SLC10A7: variants seen among roughly 807,000 people sequenced by gnomAD.
SLC10A7 encodes solute carrier family 10 member 7, also known as sodium/bile acid cotransporter 7.
Under a neutral mutation model 43.2 loss-of-function variants are expected in SLC10A7, and 29 were observed. The observed-to-expected ratio is 0.67, with a 90% CI of 0.50 to 0.92. SLC10A7 has a LOEUF of 0.92. SLC10A7 is among the 40% of genes least tolerant of loss of function. SLC10A7 has a pLI of 0.00. For missense variants in SLC10A7, 295 were observed against 403.2 expected, an observed-to-expected ratio of 0.73 and a Z score of 2.30; for synonymous variants, 152 against 144.8, an observed-to-expected ratio of 1.05 and a Z score of -0.35.
At chr4:146,367,471 T>C (rs1333525371) in intron 5 of SLC10A7, among the ~76,000 whole-genome samples, 11 of 152,186 alleles carry the variant, frequency 7.2e-5, no homozygotes, top group Admixed American at 5.2e-4. Context: ...ATTAGCCACA[T>C]GTGGCTACTT....
chr4:146,449,296 A>G (rs1461320414), intron 4 of SLC10A7, among the ~76,000 whole-genome samples: 1 of 152,184 alleles, frequency 6.6e-6, no homozygotes, highest in African/African-American at 2.4e-5. Context: ...AAGGAGAGAC[A>G]GTAAGCAGTT....
intron 4 of SLC10A7, among the ~76,000 whole-genome samples, chr4:146,450,350 G>C (rs1731474595): frequency 6.6e-6 from 1 of 152,128 alleles, no homozygotes; most frequent in African/African-American, 2.4e-5. Context: ...AAAGTATACA[G>C]GAAGATGTGC....
At chr4:146,494,940 G>A (rs1188083711) in intron 4 of SLC10A7, among the ~76,000 whole-genome samples, 1 of 152,146 alleles carries the variant, frequency 6.6e-6, no homozygotes, top group African/African-American at 2.4e-5. Context: ...TTTTATAGCA[G>A]CTTAAAACAA....
At chr4:146,375,230 G>A (rs949596210) in intron 5 of SLC10A7, among the ~76,000 whole-genome samples, 19 of 151,828 alleles carry the variant, frequency 1.3e-4, no homozygotes, top group Admixed American at 7.9e-4. Context: ...AAAACAAAAA[G>A]CAAAACAAAA....
intron 4 of SLC10A7, among the ~76,000 whole-genome samples, chr4:146,493,521 T>C (rs985279867): frequency 1.9e-4 from 29 of 151,682 alleles, no homozygotes; most frequent in South Asian, 1.0e-3. Context: ...GAGAGAGAGA[T>C]ATACCTGATT....
intron 9 of SLC10A7, among the ~76,000 whole-genome samples, chr4:146,289,157 G>A (rs1482609637): frequency 6.6e-6 from 1 of 152,140 alleles, no homozygotes; most frequent in Admixed American, 6.5e-5. Flanking sequence ...TTAGCTGGGT[G>A]GCACTGAACA....
At chr4:146,362,471 A>G (rs1736113406) in intron 5 of SLC10A7, among the ~76,000 whole-genome samples, 1 of 152,182 alleles carries the variant, frequency 6.6e-6, no homozygotes, top group Non-Finnish European at 1.5e-5. Flanking sequence ...GAAGGAAAAA[A>G]TATTTCAACC....
intron 4 of SLC10A7, among the ~76,000 whole-genome samples, chr4:146,476,514 T>C (rs2149976463): frequency 6.6e-6 from 1 of 152,248 alleles, no homozygotes; most frequent in South Asian, 2.1e-4. Flanking sequence ...CATGTGCATG[T>C]GTCTTGGGGT....
intron 5 of SLC10A7, among the ~76,000 whole-genome samples, chr4:146,327,828 G>A (rs368321478): frequency 2.0e-5 from 3 of 152,024 alleles, no homozygotes; most frequent in African/African-American, 7.2e-5. Flanking sequence ...TGCATCTAGC[G>A]CCCATGTGCA....
chr4:146,255,750 G>A lies in SLC10A7; in HGVS notation c.*741C>T, dbSNP rs980256577. On this transcript the variant is annotated 3_prime_UTR_variant, in exon 12 of 12. Coordinates refer to ENST00000335472, the MANE Select transcript of SLC10A7 (RefSeq NM_001029998.6). ...CAAGACAGAAATTATTGAATAAAGA[G>A]GAAGAAGATATTAAGATATATTTTA... The A allele has an allele frequency of 6.6e-6, 1 of 152,116 alleles. No homozygotes were observed. The highest frequency in any genetic ancestry group is 1.5e-5 in the Non-Finnish European group (1 of 68,016). 9.4% of individuals were successfully genotyped at this position (152,116 alleles called of 1,614,324 possible).
intron 9 of SLC10A7, among the ~76,000 whole-genome samples, chr4:146,286,682 G>GGAGTGGTGAGAAGGACCGTGTCTA (rs1560763994): frequency 4.6e-4 from 69 of 149,940 alleles, no homozygotes; most frequent in African/African-American, 1.5e-3. Context: ...GACCGTGTCT[G>GGAGTGGTGAGAAGGACCGTGTCTA]GAGTGGTGAG....
At chr4:146,286,715 A>G (rs867114713) in intron 9 of SLC10A7, among the ~76,000 whole-genome samples, 241 of 149,726 alleles carry the variant, frequency 1.6e-3, no homozygotes, top group African/African-American at 5.5e-3. Context: ...TGGAGTGGTG[A>G]GAAGGACTGA....
At chr4:146,335,538 C>T (rs911595763) in intron 5 of SLC10A7, among the ~76,000 whole-genome samples, 10 of 151,996 alleles carry the variant, frequency 6.6e-5, no homozygotes, top group Non-Finnish European at 1.0e-4. Context: ...AGTGCCTCTG[C>T]TGACAAAATG....
intron 5 of SLC10A7, among the ~76,000 whole-genome samples, chr4:146,327,188 T>C (rs925148733): frequency 1.3e-5 from 2 of 152,246 alleles, no homozygotes; most frequent in African/African-American, 4.8e-5. Context: ...CTACCATGAC[T>C]TTCTGGGGCA....
At chr4:146,413,044 A>T (rs1728307135) in intron 5 of SLC10A7, among the ~76,000 whole-genome samples, 1 of 152,176 alleles carries the variant, frequency 6.6e-6, no homozygotes, top group Non-Finnish European at 1.5e-5. Flanking sequence ...GAGATTCCAA[A>T]GGACTTCCTA....
chr4:146,364,374 A>C (rs1268431008), intron 5 of SLC10A7, among the ~76,000 whole-genome samples: 1 of 152,180 alleles, frequency 6.6e-6, no homozygotes, highest in Non-Finnish European at 1.5e-5. Flanking sequence ...AGAAAAGCTC[A>C]GGACCTGATG....
intron 10 of SLC10A7, among the ~76,000 whole-genome samples, chr4:146,266,952 T>C (rs958191098): frequency 6.6e-6 from 1 of 152,208 alleles, no homozygotes; most frequent in Non-Finnish European, 1.5e-5. Flanking sequence ...GTTCATCCAT[T>C]ATGTGCCAGG....
At chr4:146,467,516 T>TTTACTCC (rs2149953621) in intron 4 of SLC10A7, among the ~76,000 whole-genome samples, 2 of 150,690 alleles carry the variant, frequency 1.3e-5, no homozygotes, top group East Asian at 3.9e-4. Context: ...CAAATACTTT[T>TTTACTCC]TTACTCCTTA....
At chr4:146,308,663 G>C (rs907340085) in intron 6 of SLC10A7, among the ~76,000 whole-genome samples, 1 of 152,120 alleles carries the variant, frequency 6.6e-6, no homozygotes, top group Non-Finnish European at 1.5e-5. Flanking sequence ...TATCAAGCAA[G>C]TGCCCTGGAC....
Sources: allele counts gnomAD v4.1 joint callset (sites outside exome capture counted in the v4.1 genomes callset), GRCh38; gene constraint gnomAD v4.1.1; transcripts MANE v1.5; gene names NCBI Gene and HGNC (gene_info 2026-07-23, HGNC 2026-07-21).